CACNA2D1: variants seen among roughly 807,000 people sequenced by gnomAD.
The protein encoded by CACNA2D1 is voltage-dependent calcium channel subunit alpha-2/delta-1.
Under a neutral mutation model 171.5 loss-of-function variants are expected in CACNA2D1, and 53 were observed. The ratio of observed to expected loss-of-function variants is 0.31; its 90% CI spans 0.25 to 0.39. The LOEUF (loss-of-function observed/expected upper bound fraction) is 0.39. Among genes scored for constraint, CACNA2D1 ranks in the 10% least tolerant of loss-of-function variants. The pLI, the probability that CACNA2D1 is intolerant of heterozygous loss-of-function variation, is 1.00. For missense variants in CACNA2D1, 903 were observed against 1,299.8 expected (o/e 0.69, Z 4.69); for synonymous variants, 442 against 443.1 (o/e 1.00, Z 0.03).
intron 3 of CACNA2D1, among the ~76,000 whole-genome samples, chr7:82,176,406 T>C (rs1247935598): frequency 6.6e-6 from 1 of 152,026 alleles, no homozygotes. Flanking sequence ...ATTTGTTATA[T>C]CCTAGTGAAC....
chr7:82,116,593 A>AAG (rs1260075614), intron 6 of CACNA2D1, among the ~76,000 whole-genome samples: 3 of 152,176 alleles, frequency 2.0e-5, no homozygotes, highest in African/African-American at 7.2e-5. Flanking sequence ...GGGAGGGAAA[A>AAG]AGAGAGAGAG....
At chr7:82,432,183 C>A (rs1472404836) in intron 1 of CACNA2D1, among the ~76,000 whole-genome samples, 1 of 151,930 alleles carries the variant, frequency 6.6e-6, no homozygotes, top group African/African-American at 2.4e-5. Context: ...CAGGTGGAGA[C>A]ACCAAAATTA....
At chr7:81,952,370 A>G (rs1792703783) in intron 38 of CACNA2D1, among the ~76,000 whole-genome samples, 1 of 152,104 alleles carries the variant, frequency 6.6e-6, no homozygotes, top group Admixed American at 6.6e-5. Flanking sequence ...ACAGTAAATA[A>G]AATTATTTCT....
chr7:82,055,720 A>C (rs1805768624), intron 10 of CACNA2D1, among the ~76,000 whole-genome samples: 1 of 128,760 alleles, frequency 7.8e-6, no homozygotes, highest in Non-Finnish European at 1.6e-5. Flanking sequence ...CAATGAGAAC[A>C]TTTGGACACA....
At chr7:82,001,793 G>T (rs936758614) in intron 18 of CACNA2D1, 2 of 449,620 alleles carry the variant, frequency 4.4e-6, no homozygotes, top group African/African-American at 2.1e-5. Flanking sequence ...ATCAATTTTC[G>T]TCAGATATTT....
At chr7:82,111,768 AAGAT>A (rs1249241301) in intron 6 of CACNA2D1, among the ~76,000 whole-genome samples, 1 of 151,994 alleles carries the variant, frequency 6.6e-6, no homozygotes, top group African/African-American at 2.4e-5. Flanking sequence ...ATTCCAATAA[AAGAT>A]AGTAACAGTT....
intron 24 of CACNA2D1, among the ~76,000 whole-genome samples, chr7:81,977,272 T>G (rs1369670973): frequency 6.6e-6 from 1 of 152,160 alleles, no homozygotes; most frequent in East Asian, 1.9e-4. Context: ...GGGTGCTGAA[T>G]TTCGTCGAAG....
intron 1 of CACNA2D1, among the ~76,000 whole-genome samples, chr7:82,402,852 T>C (rs1826594200): frequency 6.6e-6 from 1 of 152,042 alleles, no homozygotes; most frequent in South Asian, 2.1e-4. Context: ...TTTTAAATTG[T>C]AGACTGTAGT....
chr7:82,429,223 CAT>C (rs1829460443), intron 1 of CACNA2D1, among the ~76,000 whole-genome samples: 1 of 152,076 alleles, frequency 6.6e-6, no homozygotes, highest in Admixed American at 6.6e-5. Flanking sequence ...ATATTTTCTT[CAT>C]ATCTTATAAC....
At chr7:82,213,771 C>A (rs1344957616) in intron 3 of CACNA2D1, among the ~76,000 whole-genome samples, 1 of 152,128 alleles carries the variant, frequency 6.6e-6, no homozygotes, top group Non-Finnish European at 1.5e-5. Context: ...TGTGTACAGA[C>A]TCAGGCTTTT....
At chr7:82,175,297 C>T (rs1205380536) in intron 3 of CACNA2D1, among the ~76,000 whole-genome samples, 2 of 151,870 alleles carry the variant, frequency 1.3e-5, no homozygotes, top group African/African-American at 2.4e-5. Flanking sequence ...CACTAAATTT[C>T]AAAACAATTT....
At chr7:82,289,036 G>A (rs1811200097) in intron 3 of CACNA2D1, among the ~76,000 whole-genome samples, 1 of 152,132 alleles carries the variant, frequency 6.6e-6, no homozygotes, top group Non-Finnish European at 1.5e-5. Context: ...ACCACATAGT[G>A]CAAATATTTA....
At chr7:82,160,603 G>T (rs183387335) in intron 4 of CACNA2D1, among the ~76,000 whole-genome samples, 332 of 152,066 alleles carry the variant, frequency 2.2e-3, no homozygotes, top group African/African-American at 7.7e-3. Context: ...CAAGTAGCTG[G>T]GACTACAGGT....
chr7:82,232,725 A>G (rs534574494), intron 3 of CACNA2D1, among the ~76,000 whole-genome samples: 215 of 151,912 alleles, frequency 1.4e-3, no homozygotes, highest in Middle Eastern at 3.4e-3. Context: ...TTAGCCGGGC[A>G]TGGTGGCAGA....
chr7:82,366,903 C>CTTTTT (rs71093376), intron 1 of CACNA2D1, among the ~76,000 whole-genome samples: 19 of 86,962 alleles, frequency 2.2e-4, no homozygotes, highest in East Asian at 3.4e-4. Context: ...TGGTTTTGAC[C>CTTTTT]TTTTTTTTTT....
chr7:81,947,552 TTTC>T lies in CACNA2D1; in HGVS notation c.*2837_*2839del, dbSNP rs1485201291. On this transcript the variant is annotated 3_prime_UTR_variant, in exon 39 of 39. Transcript: ENST00000356860. ...AAAAGAAATCATTAATGCAAAATTC[TTTC>T]TTGTTACTCAACACCATTGCCAAGC... The T allele has an allele frequency of 2.0e-5, 3 of 152,012 alleles. No individual in the cohort carries two copies. Among genetic ancestry groups the T allele is most frequent in the Admixed American group, 1.3e-4 (2 of 15,244 alleles). The allele number at this position is 152,012 out of a possible 1,614,324, so 9.4% of individuals were successfully genotyped here. A position where few individuals can be genotyped will look rare whatever the true frequency, so the allele number is the denominator to read the frequency against.
At position 82,178,138 on chromosome 7, in the gene CACNA2D1, G is replaced by A. The variant is rs1796745724; in HGVS notation, c.295-7529C>T. Among the ~76,000 whole-genome samples, 4 of 152,018 alleles carry A rather than the reference G, an allele frequency of 2.6e-5. No homozygotes were observed. In the South Asian group the frequency reaches 8.3e-4, roughly 32 times the overall value. On this transcript the variant is annotated intron_variant, in intron 3 of 38. Coordinates refer to ENST00000356860, the MANE Select transcript of CACNA2D1 (RefSeq NM_000722.4). ...AAATAAAGCCAGTCATTTATTTTTC[G>A]ATCTGTGGCCAAGTGAAAAATAAAA...
In CACNA2D1 at chr7:82,111,424, G is replaced by GTATATATATATTCATATA. The variant is rs1563065282; in HGVS notation, c.526+5619_526+5620insTATATGAATATATATATA. Among the ~76,000 whole-genome samples, 575 of 70,796 alleles carry GTATATATATATTCATATA rather than the reference G, an allele frequency of 8.1e-3. 1 individual carries two copies. The highest frequency in any genetic ancestry group is 0.021 in the African/African-American group (283 of 13,546). 46.4% of individuals were successfully genotyped at this position (70,796 alleles called of 152,430 possible). The stretch of plus-strand genomic sequence containing the variant: ...TATATATTCATATATGTGTATATAT[G>GTATATATATATTCATATA]TGTGTATATATATATATATATTTTT... On this transcript the variant is annotated intron_variant, in intron 6 of 38. Coordinates refer to ENST00000356860, the MANE Select transcript of CACNA2D1 (RefSeq NM_000722.4).
chr7:82,106,491 CT>C (rs1787777652), intron 6 of CACNA2D1, among the ~76,000 whole-genome samples: 1 of 151,986 alleles, frequency 6.6e-6, no homozygotes, highest in Non-Finnish European at 1.5e-5. Context: ...TGCACACATT[CT>C]TTTTCATGTC....
Sources: gnomAD v4.1 joint callset for allele counts (sites outside exome capture counted in the v4.1 genomes callset) on GRCh38, gnomAD v4.1.1 for gene constraint, MANE v1.5 for transcripts, NCBI Gene and HGNC (gene_info 2026-07-23, HGNC 2026-07-21) for gene names.